Variants in SSPN observed in about 807,000 individuals in gnomAD.
SSPN encodes the protein K-ras oncogene-associated protein.
In SSPN, 15 loss-of-function variants were observed where a neutral mutation model predicts 19.1. The ratio of observed to expected loss-of-function variants is 0.78; its 90% CI spans 0.52 to 1.21. The LOEUF is 1.21. Ranked by LOEUF, SSPN falls within the 50% of genes most tolerant of loss-of-function variation. SSPN has a pLI of 0.00. For synonymous variants in SSPN, 147 were observed against 140.3 expected, an observed-to-expected ratio of 1.05 and a Z score of -0.34; for missense variants, 291 against 314.0, an observed-to-expected ratio of 0.93 and a Z score of 0.55.
At chr12:26,141,810 T>A (rs564844971) in intron 1 of SSPN, among the ~76,000 whole-genome samples, 5 of 152,304 alleles carry the variant, frequency 3.3e-5, no homozygotes, top group African/African-American at 1.2e-4. Flanking sequence ...TTTTAAAAAA[T>A]GCATGAAAAC....
At chr12:26,206,149 CA>C (rs1054135672) in intron 1 of SSPN, among the ~76,000 whole-genome samples, 3 of 152,170 alleles carry the variant, frequency 2.0e-5, no homozygotes, top group African/African-American at 7.2e-5. Flanking sequence ...ACACACATCA[CA>C]AAAAGCTCAG....
chr12:26,178,042 T>A (rs764519888), intron 1 of SSPN, among the ~76,000 whole-genome samples: 37 of 152,190 alleles, frequency 2.4e-4, no homozygotes, highest in Non-Finnish European at 4.9e-4. Flanking sequence ...GCTACCCAAT[T>A]ACTTGAGGCC....
At chr12:26,207,521 A>G (rs534614691) in intron 1 of SSPN, among the ~76,000 whole-genome samples, 1 of 152,276 alleles carries the variant, frequency 6.6e-6, no homozygotes, top group Non-Finnish European at 1.5e-5. Flanking sequence ...GGTATTTTTT[A>G]TGCATAAGCC....
chr12:26,171,159 A>G (rs934061760), intron 1 of SSPN, among the ~76,000 whole-genome samples: 2 of 152,206 alleles, frequency 1.3e-5, no homozygotes, highest in Non-Finnish European at 2.9e-5. Flanking sequence ...GGTCACTTTT[A>G]GCCTGAGTTT....
intron 1 of SSPN, among the ~76,000 whole-genome samples, chr12:26,204,727 G>T (rs1944916407): frequency 6.6e-6 from 1 of 152,158 alleles, no homozygotes. Flanking sequence ...CTTCTCATTG[G>T]ATTCTGTTCC....
chr12:26,153,567 A>C (rs1368840816), intron 1 of SSPN, among the ~76,000 whole-genome samples: 1 of 152,218 alleles, frequency 6.6e-6, no homozygotes, highest in African/African-American at 2.4e-5. Flanking sequence ...GAATGTGTGC[A>C]TAAATGAATA....
intron 1 of SSPN, among the ~76,000 whole-genome samples, chr12:26,222,344 C>A (rs532506708): frequency 3.3e-5 from 5 of 152,166 alleles, no homozygotes; most frequent in Non-Finnish European, 7.3e-5. Context: ...GCATAGGCAG[C>A]TTATTGATTA....
At chr12:26,168,267 A>C (rs2137430576) in intron 1 of SSPN, among the ~76,000 whole-genome samples, 1 of 152,126 alleles carries the variant, frequency 6.6e-6, no homozygotes, top group Non-Finnish European at 1.5e-5. Flanking sequence ...AAGATTACAT[A>C]TGTGATTGGC....
At chr12:26,177,046 TA>T (rs1243188917) in intron 1 of SSPN, among the ~76,000 whole-genome samples, 1 of 152,170 alleles carries the variant, frequency 6.6e-6, no homozygotes, top group African/African-American at 2.4e-5. Context: ...ACTTTATTCT[TA>T]AGGTAATAAC....
Position 26,232,934 on chromosome 12 carries a change from TA to T in SSPN, c.*1879del, listed in dbSNP as rs34314422. On this transcript the variant is annotated 3_prime_UTR_variant, in exon 3 of 3. Transcript: ENST00000242729. ...ACCTGTAAAATACCTTGTGCCCTAT[TA>T]AAAAAAAAAAAAAAAAAAAAGCCAG... 112 of 81,336 alleles carry T rather than the reference TA, an allele frequency of 1.4e-3. 1 individual carries two copies. The highest frequency in any genetic ancestry group is 0.016 in the Middle Eastern group (2 of 124). 5.0% of individuals were successfully genotyped at this position (81,336 alleles called of 1,614,324 possible).
At chr12:26,147,267 G>GT (rs1272390154) in intron 1 of SSPN, among the ~76,000 whole-genome samples, 31 of 132,220 alleles carry the variant, frequency 2.3e-4, no homozygotes, top group East Asian at 4.7e-4. Context: ...AATTTTTGGG[G>GT]TTTTTTTTGT....
At chr12:26,201,400 G>A (rs1944884243) in intron 1 of SSPN, among the ~76,000 whole-genome samples, 1 of 151,788 alleles carries the variant, frequency 6.6e-6, no homozygotes, top group Non-Finnish European at 1.5e-5. Context: ...AAAGAATTTG[G>A]CGAATTTGGC....
At chr12:26,124,039 G>GA (rs1233231832) in intron 1 of SSPN, 1 of 1,392,002 alleles carries the variant, frequency 7.2e-7, no homozygotes, top group Non-Finnish European at 1.0e-6. Flanking sequence ...CACGCCCTTG[G>GA]AGAGCAGCAA....
upstream of SSPN, among the ~76,000 whole-genome samples, chr12:26,195,189 C>T (rs2137455481): frequency 6.6e-6 from 1 of 152,218 alleles, no homozygotes; most frequent in East Asian, 1.9e-4. Flanking sequence ...GACTTCGCAG[C>T]TTAGAGCCCA....
intron 1 of SSPN, among the ~76,000 whole-genome samples, chr12:26,209,793 AGCGTGTGT>A (rs1430870499): frequency 4.1e-5 from 4 of 97,950 alleles, no homozygotes; most frequent in Non-Finnish European, 6.0e-5. Flanking sequence ...TGATTCTTAG[AGCGTGTGT>A]GTGTGTGTGT....
At chr12:26,188,737 T>G (rs1461819316) in intron 1 of SSPN, among the ~76,000 whole-genome samples, 1 of 152,234 alleles carries the variant, frequency 6.6e-6, no homozygotes, top group Non-Finnish European at 1.5e-5. Flanking sequence ...ACCTTTGCAC[T>G]GTGCTAGGCA....
chr12:26,124,630 G>A (rs957549107), intron 1 of SSPN: 1 of 1,610,656 alleles, frequency 6.2e-7, no homozygotes. Context: ...GAGGGGCTCT[G>A]CCCTCGCCAG....
intron 1 of SSPN, among the ~76,000 whole-genome samples, chr12:26,137,654 A>AT (rs1269817874): frequency 8.2e-4 from 45 of 55,000 alleles, no homozygotes; most frequent in African/African-American, 3.8e-3. Context: ...ATATATATAT[A>AT]TATTTTTTTT....
chr12:26,234,363 A>G lies in SSPN; in HGVS notation c.*3287A>G, dbSNP rs1357101443. ...GAGATTGTCTCTGAACCGTTGCTACATAGCCATAAATTTCTGTAAATCATG... is the reference window on the plus strand; with the variant it reads ...GAGATTGTCTCTGAACCGTTGCTACGTAGCCATAAATTTCTGTAAATCATG... On this transcript the variant is annotated 3_prime_UTR_variant, in exon 3 of 3. Coordinates refer to ENST00000242729, the MANE Select transcript of SSPN (RefSeq NM_005086.5). The G allele has an allele frequency of 6.6e-6, 1 of 152,250 alleles. No homozygotes were observed. The highest frequency in any genetic ancestry group is 1.5e-5 in the Non-Finnish European group (1 of 68,052). The allele number at this position is 152,250 out of a possible 1,614,324, so 9.4% of individuals were successfully genotyped here. A position where few individuals can be genotyped will look rare whatever the true frequency, so the allele number is the denominator to read the frequency against.
Sources: gnomAD v4.1 joint callset for allele counts (sites outside exome capture counted in the v4.1 genomes callset) on GRCh38, gnomAD v4.1.1 for gene constraint, MANE v1.5 for transcripts, NCBI Gene and HGNC (gene_info 2026-07-23, HGNC 2026-07-21) for gene names.